Variants in GPATCH2 observed in about 807,000 individuals in gnomAD.
GPATCH2 encodes G patch domain-containing protein 2.
In GPATCH2, 51 loss-of-function variants were observed where a neutral mutation model predicts 58.0. The ratio of observed to expected loss-of-function variants is 0.88; its 90% confidence interval spans 0.70 to 1.11. GPATCH2 has a LOEUF of 1.11. Ranked by LOEUF, GPATCH2 falls within the 50% of genes most tolerant of loss-of-function variation. GPATCH2 has a pLI of 0.00. For missense variants in GPATCH2, 625 were observed against 652.2 expected, an observed-to-expected ratio of 0.96 and a Z score of 0.45; for synonymous variants, 222 against 218.5, an observed-to-expected ratio of 1.02 and a Z score of -0.14.
chr1:217,628,463 CA>C (rs1669566803), intron 1 of GPATCH2, among the ~76,000 whole-genome samples: 1 of 151,904 alleles, frequency 6.6e-6, no homozygotes, highest in African/African-American at 2.4e-5. Context: ...ATTGTTGAAA[CA>C]AAAACCTGAC....
chr1:217,437,267 C>T (rs184370877), intron 9 of GPATCH2, among the ~76,000 whole-genome samples: 110 of 152,300 alleles, frequency 7.2e-4, no homozygotes, highest in Middle Eastern at 6.8e-3. Context: ...GGTGCCTACG[C>T]CACCAGGGCC....
chr1:217,433,681 C>T (rs1658666678), intron 9 of GPATCH2, among the ~76,000 whole-genome samples: 1 of 152,140 alleles, frequency 6.6e-6, no homozygotes, highest in Admixed American at 6.5e-5. Flanking sequence ...CAGGCGTGAG[C>T]CACCACACCC....
chr1:217,489,366 T>G (rs1215189400), intron 8 of GPATCH2, among the ~76,000 whole-genome samples: 1 of 151,982 alleles, frequency 6.6e-6, no homozygotes, highest in Non-Finnish European at 1.5e-5. Context: ...CAATGAATAC[T>G]TAATGTAGTC....
chr1:217,555,424 G>A (rs1174112640), intron 5 of GPATCH2, among the ~76,000 whole-genome samples: 1 of 152,132 alleles, frequency 6.6e-6, no homozygotes, highest in Non-Finnish European at 1.5e-5. Context: ...TGGCTAAAAT[G>A]TCAGCTTGAG....
chr1:217,629,076 A>C (rs947403032), intron 1 of GPATCH2, among the ~76,000 whole-genome samples: 1 of 152,246 alleles, frequency 6.6e-6, no homozygotes, highest in South Asian at 2.1e-4. Flanking sequence ...TATTTGTAAA[A>C]CCTGGCACCT....
At chr1:217,550,495 A>G (rs979256014) in intron 5 of GPATCH2, among the ~76,000 whole-genome samples, 1 of 152,092 alleles carries the variant, frequency 6.6e-6, no homozygotes, top group African/African-American at 2.4e-5. Context: ...TGTTAAATAC[A>G]AACGGAAATT....
At chr1:217,496,827 A>G (rs938767941) in intron 7 of GPATCH2, among the ~76,000 whole-genome samples, 1 of 152,180 alleles carries the variant, frequency 6.6e-6, no homozygotes, top group Admixed American at 6.5e-5. Flanking sequence ...TGAGTTGACT[A>G]CATAGAACAT....
chr1:217,613,577 T>G (rs1442847155), intron 3 of GPATCH2, among the ~76,000 whole-genome samples: 1 of 152,130 alleles, frequency 6.6e-6, no homozygotes, highest in Non-Finnish European at 1.5e-5. Flanking sequence ...TTTTAAATTT[T>G]TCATAGCTTC....
chr1:217,481,243 G>A (rs1661201290), intron 8 of GPATCH2, among the ~76,000 whole-genome samples: 1 of 152,150 alleles, frequency 6.6e-6, no homozygotes, highest in Admixed American at 6.5e-5. Context: ...TTGCATGCCT[G>A]TATCAAAACA....
chr1:217,562,020 C>A (rs1006264786), intron 5 of GPATCH2, among the ~76,000 whole-genome samples: 1 of 152,154 alleles, frequency 6.6e-6, no homozygotes, highest in Non-Finnish European at 1.5e-5. Context: ...CCTGAGCATA[C>A]AACTTTTCTC....
At chr1:217,486,148 T>C (rs150241119) in intron 8 of GPATCH2, among the ~76,000 whole-genome samples, 153 of 152,348 alleles carry the variant, frequency 1.0e-3, no homozygotes, top group African/African-American at 3.0e-3. Flanking sequence ...TTGAGTCTTC[T>C]GACCCATGAA....
At chr1:217,558,753 G>A (rs976579307) in intron 5 of GPATCH2, among the ~76,000 whole-genome samples, 25 of 152,104 alleles carry the variant, frequency 1.6e-4, no homozygotes, top group African/African-American at 5.1e-4. Flanking sequence ...GTTGAGAGCA[G>A]CCTGGGCAAC....
chr1:217,569,933 A>G (rs559152058), intron 5 of GPATCH2, among the ~76,000 whole-genome samples: 1 of 152,288 alleles, frequency 6.6e-6, no homozygotes, highest in African/African-American at 2.4e-5. Context: ...AAATGAACAG[A>G]AAACATGGAA....
chr1:217,484,593 G>A (rs1488860436), intron 8 of GPATCH2, among the ~76,000 whole-genome samples: 5 of 144,846 alleles, frequency 3.5e-5, no homozygotes, highest in African/African-American at 7.6e-5. Flanking sequence ...ACATATACAC[G>A]TGTGCATATA....
intron 5 of GPATCH2, among the ~76,000 whole-genome samples, chr1:217,535,463 C>A (rs1664414185): frequency 6.6e-6 from 1 of 152,182 alleles, no homozygotes; most frequent in African/African-American, 2.4e-5. Context: ...CATTCTCCTG[C>A]CTCAGCCTCC....
rs565414953 is a variant in GPATCH2 at position 217,548,908 on chromosome 1, A to G, written c.1099-34019T>C. ...AATAAAACCTCTTTTCTTATAGTAT[A>G]CCCAGTCTCGGGTATTTCTTCACAG... On this transcript the variant is annotated intron_variant, in intron 5 of 9. Transcript: ENST00000366935. Among the ~76,000 whole-genome samples the G allele has an allele frequency of 8.5e-5, 13 of 152,282 alleles. No homozygotes were observed. The South Asian group carries it at 2.7e-3, about 32-fold the overall frequency.
chr1:217,505,913 C>G (rs925941395), intron 6 of GPATCH2, among the ~76,000 whole-genome samples: 11 of 152,138 alleles, frequency 7.2e-5, no homozygotes, highest in African/African-American at 2.4e-4. Flanking sequence ...ACTTCCACCT[C>G]CTGGGTTCAA....
chr1:217,532,886 G>GTTTTTTT (rs57815648), intron 5 of GPATCH2, among the ~76,000 whole-genome samples: 1 of 130,246 alleles, frequency 7.7e-6, no homozygotes, highest in South Asian at 2.4e-4. Flanking sequence ...TCTTTTTTTT[G>GTTTTTTT]TTTTTTTTTT....
At chr1:217,610,189 T>C (rs752967469) in intron 5 of GPATCH2, 132 bp downstream of exon 5, 15 of 1,591,646 alleles carry the variant, frequency 9.4e-6, no homozygotes, top group Non-Finnish European at 1.3e-5. Context: ...GTCCAGTTTG[T>C]AGCCTACAAA....
Sources: allele counts gnomAD v4.1 joint callset (sites outside exome capture counted in the v4.1 genomes callset), GRCh38; gene constraint gnomAD v4.1.1; transcripts MANE v1.5; gene names NCBI Gene and HGNC (gene_info 2026-07-23, HGNC 2026-07-21).